PAM: variants seen among roughly 807,000 people sequenced by gnomAD.
PAM encodes the protein peptidyl-glycine alpha-amidating monooxygenase.
PAM carries 72 observed loss-of-function variants against 122.1 expected under a neutral mutation model. The observed-to-expected ratio is 0.59, with a 90% CI of 0.49 to 0.72. The LOEUF is 0.72. Among genes scored for constraint, PAM ranks in the 30% least tolerant of loss-of-function variants. The pLI is 0.00. For synonymous variants in PAM, 389 were observed against 404.4 expected (o/e 0.96, Z 0.46); for missense variants, 1,106 against 1,183.7 (o/e 0.93, Z 0.96).
intron 1 of PAM, among the ~76,000 whole-genome samples, chr5:102,852,619 G>T (rs1781605073): frequency 6.6e-6 from 1 of 152,112 alleles, no homozygotes. Context: ...TTTAAAGAGG[G>T]ATGTAATTTT....
At chr5:102,828,957 T>C (rs1197439537) in intron 1 of PAM, among the ~76,000 whole-genome samples, 7 of 150,412 alleles carry the variant, frequency 4.7e-5, no homozygotes, top group Admixed American at 1.3e-4. Flanking sequence ...TCTTGCTATA[T>C]TGCCTAGGCT....
In PAM at chr5:102,932,253, C is replaced by T. The variant is rs537616470; in HGVS notation, c.526+5585C>T. Among the ~76,000 whole-genome samples the T allele has an allele frequency of 2.6e-5, 4 of 152,070 alleles. No homozygotes were observed. In the South Asian group the frequency reaches 8.3e-4, roughly 32 times the overall value. On this transcript the variant is annotated intron_variant, in intron 7 of 25. Transcript: ENST00000438793. ...GCTCACGCCTGTAATCTCAGGAGGC[C>T]GAAGCAGGCAGATCACCTGAGGTCA...
chr5:102,797,054 G>C (rs1215368912), intron 1 of PAM, among the ~76,000 whole-genome samples: 2 of 152,150 alleles, frequency 1.3e-5, no homozygotes, highest in African/African-American at 2.4e-5. Flanking sequence ...ACAGCACAAG[G>C]GCTGGTGTTT....
intron 1 of PAM, among the ~76,000 whole-genome samples, chr5:102,864,119 T>G (rs1353349111): frequency 6.7e-6 from 1 of 149,922 alleles, no homozygotes; most frequent in Non-Finnish European, 1.5e-5. Flanking sequence ...GGGACTGTCC[T>G]TGAATCCTGT....
intron 5 of PAM, among the ~76,000 whole-genome samples, chr5:102,919,389 C>T (rs936182935): frequency 6.6e-6 from 1 of 152,006 alleles, no homozygotes; most frequent in Admixed American, 6.6e-5. Context: ...GATAATGATT[C>T]TTTGGTTGAG....
chr5:102,904,103 T>C (rs530304015), intron 4 of PAM, among the ~76,000 whole-genome samples: 12 of 151,618 alleles, frequency 7.9e-5, no homozygotes, highest in Non-Finnish European at 1.0e-4. Flanking sequence ...GGGTAGCCTA[T>C]GCTTTTTCCA....
intron 1 of PAM, among the ~76,000 whole-genome samples, chr5:102,813,813 T>C (rs1410179725): frequency 6.6e-6 from 1 of 152,164 alleles, no homozygotes; most frequent in African/African-American, 2.4e-5. Context: ...GGCAAAATCT[T>C]GTGACCTGGG....
At chr5:102,821,947 A>G (rs1002343104) in intron 1 of PAM, among the ~76,000 whole-genome samples, 4 of 152,236 alleles carry the variant, frequency 2.6e-5, no homozygotes, top group African/African-American at 7.2e-5. Context: ...TCTCACATTA[A>G]ACATTGAAAT....
chr5:102,795,217 A>T (rs568950974), intron 1 of PAM, among the ~76,000 whole-genome samples: 1 of 145,346 alleles, frequency 6.9e-6, no homozygotes, highest in Non-Finnish European at 1.5e-5. Flanking sequence ...AAAAAAGAAG[A>T]GAAGAAAAAG....
At position 102,803,268 on chromosome 5, in the gene PAM, C is replaced by T. The variant is rs553219202; in HGVS notation, c.-374+47920C>T. ...ATGCACTCAACTTGAATCACCAAAG[C>T]AGTCAGACGAGGTATTTTTTTTCCT... On this transcript the variant is annotated intron_variant, in intron 1 of 25. Transcript: ENST00000438793. Among the ~76,000 whole-genome samples the T allele has an allele frequency of 2.0e-5, 3 of 152,120 alleles. No individual in the cohort carries two copies. The South Asian group carries it at 6.2e-4, about 32-fold the overall frequency.
intron 14 of PAM, among the ~76,000 whole-genome samples, chr5:102,971,340 A>G (rs182131301): frequency 1.3e-5 from 2 of 152,292 alleles, no homozygotes; most frequent in Admixed American, 1.3e-4. Flanking sequence ...TAATTTCTAA[A>G]GGTTATTGTC....
intron 4 of PAM, among the ~76,000 whole-genome samples, chr5:102,912,648 C>T (rs1186649024): frequency 1.3e-5 from 2 of 151,902 alleles, no homozygotes; most frequent in Non-Finnish European, 2.9e-5. Flanking sequence ...GCTGTAACTC[C>T]CAAGTGATTC....
At chr5:102,832,153 C>T (rs945392537) in intron 1 of PAM, among the ~76,000 whole-genome samples, 3 of 152,078 alleles carry the variant, frequency 2.0e-5, no homozygotes, top group South Asian at 2.1e-4. Flanking sequence ...GCATTTGAGT[C>T]CTACTTTGTA....
At chr5:103,021,227 A>C (rs1300729650) in intron 23 of PAM, among the ~76,000 whole-genome samples, 1 of 152,194 alleles carries the variant, frequency 6.6e-6, no homozygotes, top group Non-Finnish European at 1.5e-5. Flanking sequence ...TCTATTTGGT[A>C]CCAAAGCCTG....
intron 14 of PAM, among the ~76,000 whole-genome samples, chr5:102,969,911 G>A (rs1041041324): frequency 4.6e-5 from 7 of 152,020 alleles, no homozygotes; most frequent in Non-Finnish European, 1.0e-4. Context: ...AATGTTTCAG[G>A]GACAGACTTC....
At chr5:102,845,663 G>A (rs952432784) in intron 1 of PAM, among the ~76,000 whole-genome samples, 4 of 152,106 alleles carry the variant, frequency 2.6e-5, no homozygotes, top group African/African-American at 7.2e-5. Flanking sequence ...GGGTACAAAT[G>A]TTTTCTTTTT....
chr5:103,029,798 T>C (rs1219611647), downstream of PAM: 1 of 152,312 alleles, frequency 6.6e-6, no homozygotes, highest in African/African-American at 2.4e-5. Context: ...CCCACAAATA[T>C]TAGTGAAACT....
Position 102,900,243 on chromosome 5 carries a change from A to ATG in PAM, c.211-1102_211-1101dup, listed in dbSNP as rs1171462303. 2.3e-3 allele frequency among the ~76,000 whole-genome samples: 101 copies of ATG among 43,902 alleles called. 2 individuals carry two copies. Among genetic ancestry groups the ATG allele is most frequent in the African/African-American group, 0.011 (97 of 8,830 alleles). The allele number at this position is 43,902 out of a possible 152,430, so 28.8% of individuals were successfully genotyped here. A position where few individuals can be genotyped will look rare whatever the true frequency, so the allele number is the denominator to read the frequency against. On this transcript the variant is annotated intron_variant, in intron 3 of 25. Coordinates refer to ENST00000438793, the MANE Select transcript of PAM (RefSeq NM_001177306.2). Reference sequence around the variant, plus strand: ...CTAATGTGTTTCTTCAGGTCTCTTAATGTGTGTGTGTGGGGGGGGGGCGGG... The same window carrying ATG: ...CTAATGTGTTTCTTCAGGTCTCTTAATGTGTGTGTGTGTGGGGGGGGGGCGGG...
intron 3 of PAM, among the ~76,000 whole-genome samples, chr5:102,876,952 T>C (rs1240640323): frequency 6.6e-6 from 1 of 152,196 alleles, no homozygotes; most frequent in Non-Finnish European, 1.5e-5. Context: ...TAGTGTTTGT[T>C]CAAGTCTTTG....
Sources: gnomAD v4.1 joint callset for allele counts (sites outside exome capture counted in the v4.1 genomes callset) on GRCh38, gnomAD v4.1.1 for gene constraint, MANE v1.5 for transcripts, NCBI Gene and HGNC (gene_info 2026-07-23, HGNC 2026-07-21) for gene names.